The following XKR4 variants were observed in gnomAD, a reference collection of about 807,000 sequenced individuals.
XKR4 encodes the protein XK related 4, also known as XK-related protein 4.
In XKR4, 12 loss-of-function variants were observed where a neutral mutation model predicts 53.9. The observed-to-expected ratio is 0.22, with a 90% CI of 0.14 to 0.36. The LOEUF (loss-of-function observed/expected upper bound fraction) is 0.36, where lower values mean the gene tolerates loss of function less well. Among genes scored for constraint, XKR4 ranks in the 10% least tolerant of loss-of-function variants. The probability of loss-of-function intolerance (pLI) is 1.00; values close to 1 mark genes in which losing one functional copy is unlikely to be tolerated. For missense variants in XKR4, 799 were observed against 859.5 expected, an observed-to-expected ratio of 0.93 and a Z score of 0.88; for synonymous variants, 354 against 362.4, an observed-to-expected ratio of 0.98 and a Z score of 0.26.
At chr8:55,236,218 CAA>C (rs1563489838) in intron 1 of XKR4, among the ~76,000 whole-genome samples, 4 of 152,264 alleles carry the variant, frequency 2.6e-5, no homozygotes, top group East Asian at 3.9e-4. Context: ...CCTGGCAAAA[CAA>C]AGAGAGGTGA....
chr8:55,189,838 T>C (rs1297057225), intron 1 of XKR4, among the ~76,000 whole-genome samples: 1 of 152,196 alleles, frequency 6.6e-6, no homozygotes, highest in Non-Finnish European at 1.5e-5. Flanking sequence ...AATCTCATAT[T>C]AGGAAAAGGA....
chr8:55,411,013 G>A (rs184374262), intron 2 of XKR4, among the ~76,000 whole-genome samples: 21 of 152,252 alleles, frequency 1.4e-4, no homozygotes, highest in Admixed American at 5.2e-4. Context: ...CTTCTCACAC[G>A]CTCTGACTTA....
chr8:55,452,336 C>A, intron 2 of XKR4: 1 of 634,530 alleles, frequency 1.6e-6, no homozygotes, highest in Non-Finnish European at 2.9e-6. Context: ...GGAACACCAC[C>A]TTCTCCCCCA....
chr8:55,491,653 T>TGTTC (rs761666123), intron 2 of XKR4, among the ~76,000 whole-genome samples: 14 of 151,860 alleles, frequency 9.2e-5, no homozygotes, highest in Non-Finnish European at 5.9e-5. Context: ...TTTGTTTGTT[T>TGTTC]GTTTTTTATT....
chr8:55,410,818 C>T (rs1048899187), intron 2 of XKR4, among the ~76,000 whole-genome samples: 2 of 152,204 alleles, frequency 1.3e-5, no homozygotes, highest in Non-Finnish European at 2.9e-5. Flanking sequence ...AATCCACCCA[C>T]CTTTGTTTGG....
At chr8:55,483,137 G>A (rs909413844) in intron 2 of XKR4, among the ~76,000 whole-genome samples, 1 of 152,000 alleles carries the variant, frequency 6.6e-6, no homozygotes, top group African/African-American at 2.4e-5. Flanking sequence ...GAAAAAAATG[G>A]GTGTATAATT....
intron 2 of XKR4, among the ~76,000 whole-genome samples, chr8:55,428,057 G>C (rs1014539164): frequency 2.0e-5 from 3 of 152,188 alleles, no homozygotes; most frequent in African/African-American, 7.2e-5. Flanking sequence ...ATGGGAACTG[G>C]ATGTGATTTA....
At chr8:55,266,795 T>TA (rs1401241799) in intron 1 of XKR4, among the ~76,000 whole-genome samples, 1 of 152,098 alleles carries the variant, frequency 6.6e-6, no homozygotes, top group Non-Finnish European at 1.5e-5. Context: ...CTGATCCTCT[T>TA]AAAGAGACCC....
chr8:55,135,482 C>T lies in XKR4; in HGVS notation c.806+32188C>T, dbSNP rs79506208. 965 of 399,982 alleles carry T rather than the reference C, an allele frequency of 2.4e-3. 7 individuals are homozygous for T. Among genetic ancestry groups the T allele is most frequent in the African/African-American group, 0.018 (881 of 48,658 alleles). The allele number at this position is 399,982 out of a possible 1,614,324, so 24.8% of individuals were successfully genotyped here. On this transcript the variant is annotated intron_variant, in intron 1 of 2. Coordinates refer to ENST00000327381, the MANE Select transcript of XKR4 (RefSeq NM_052898.2). ...GGGTCCCCCCAAATCATATCTGAAT[C>T]GGTGGCTTCACTCTTTGTCCATCTG...
intron 2 of XKR4, chr8:55,450,419 T>C: frequency 1.7e-6 from 1 of 573,004 alleles, no homozygotes; most frequent in Non-Finnish European, 3.2e-6. Context: ...ATGGCTGTCC[T>C]CTTGCTCATC....
At chr8:55,439,432 G>T (rs961482444) in intron 2 of XKR4, among the ~76,000 whole-genome samples, 1 of 152,190 alleles carries the variant, frequency 6.6e-6, no homozygotes, top group East Asian at 1.9e-4. Context: ...CAACAGATTG[G>T]CAAAGTCAGC....
chr8:55,411,750 T>G (rs1195706236), intron 2 of XKR4, among the ~76,000 whole-genome samples: 1 of 152,088 alleles, frequency 6.6e-6, no homozygotes, highest in Non-Finnish European at 1.5e-5. Flanking sequence ...GCCTTTGCCC[T>G]GTCACCAAGG....
chr8:55,320,769 A>T (rs1803197275), intron 1 of XKR4, among the ~76,000 whole-genome samples: 1 of 152,160 alleles, frequency 6.6e-6, no homozygotes, highest in African/African-American at 2.4e-5. Flanking sequence ...CTTTCTATAA[A>T]GTCAGACTCG....
rs775986801 is a variant in XKR4 at position 55,103,007 on chromosome 8, C to G, written c.519C>G (p.Thr173=). ...SFRWFVHDFS[T]EDSATAAAAS... ...GCTGGTTTGTGCACGATTTCAGCAC[C>G]GAGGACAGCGCCACGGCCGCTGCTG... The change falls in exon 1 of 3, where the codon ACC becomes ACG. Residue 173 remains threonine (T), a synonymous_variant. Transcript: ENST00000327381. 4 of 1,612,262 alleles carry G rather than the reference C, an allele frequency of 2.5e-6. No homozygotes were observed. The highest frequency in any genetic ancestry group is 1.1e-5 in the South Asian group (1 of 91,052).
rs1300798338 is a variant in XKR4, at chr8:55,102,174, A to G, written c.-315A>G. Among the ~76,000 whole-genome samples, 2 of 146,240 alleles carry G rather than the reference A, an allele frequency of 1.4e-5. No individual in the cohort carries two copies. The highest frequency in any genetic ancestry group is 2.1e-4 in the East Asian group (1 of 4,864). ...TGGCGGCGGCGGCGGCTCGGGCGGC[A>G]GCAGCGAAGCCGGGACGGCGAGGAG... On this transcript the variant is annotated 5_prime_UTR_variant, in exon 1 of 3. Transcript: ENST00000327381. The surrounding 1 kb of genome is among the most constrained non-coding windows in gnomAD (Gnocchi z 5.1).
intron 2 of XKR4, among the ~76,000 whole-genome samples, chr8:55,359,492 C>T (rs1803869611): frequency 6.6e-6 from 1 of 152,158 alleles, no homozygotes; most frequent in Non-Finnish European, 1.5e-5. Context: ...AATTGAAAGG[C>T]AACATCAAAC....
chr8:55,507,144 T>C lies in XKR4; in HGVS notation c.1007-16137T>C, dbSNP rs1169831192. 2.6e-5 allele frequency among the ~76,000 whole-genome samples: 4 copies of C among 152,196 alleles called. No homozygotes were observed. In the East Asian group the frequency reaches 7.7e-4, roughly 29 times the overall value. ...ATGATCACATGATTGTCACAGCCAT[T>C]GGACCACATATATAACAGCATTGCC... On this transcript the variant is annotated intron_variant, in intron 2 of 2. Transcript: ENST00000327381.
At chr8:55,409,934 A>G (rs1041727612) in intron 2 of XKR4, among the ~76,000 whole-genome samples, 7 of 152,178 alleles carry the variant, frequency 4.6e-5, no homozygotes, top group Admixed American at 2.0e-4. Context: ...TTCTGCCTTT[A>G]ATCTCTTTAA....
rs1806837832 is a variant in XKR4, at chr8:55,523,692, C to T, written c.1418C>T (p.Ala473Val). Residue 473 changes from alanine (A) to valine (V), a missense_variant, in exon 3 of 3, where the codon GCC becomes GTC. By Grantham distance (64) the Ala-to-Val change is moderately conservative. This residue lies in a region of XKR4 where 269 missense variants were observed against 264.4 expected (regional missense o/e 1.02). Transcript: ENST00000327381. ...CTTTTGGAAAATACAGCCTTGAGTG[C>T]CCTCTGGTACCTCTACAAGGCTCCC... ...VILLENTALS[A>V]LWYLYKAPQI... is the part of the protein sequence containing the mutation. 7 of 1,614,126 alleles carry T rather than the reference C, an allele frequency of 4.3e-6. No individual in the cohort carries two copies. Among genetic ancestry groups the T allele is most frequent in the Non-Finnish European group, 5.9e-6 (7 of 1,180,024 alleles).
Sources: gnomAD v4.1 joint callset for allele counts (sites outside exome capture counted in the v4.1 genomes callset) on GRCh38, gnomAD v4.1.1 for gene constraint, gnomAD v4.1.1 regional missense constraint, Gnocchi (gnomAD v3.1) non-coding constraint, MANE v1.5 for transcripts, NCBI Gene and HGNC (gene_info 2026-07-23, HGNC 2026-07-21) for gene names.